The following C1GALT1 variants were observed in gnomAD, a reference collection of about 807,000 sequenced individuals.
C1GALT1 encodes glycoprotein-N-acetylgalactosamine 3-beta-galactosyltransferase 1.
Under a neutral mutation model 31.0 loss-of-function variants are expected in C1GALT1, and 11 were observed. The ratio of observed to expected loss-of-function variants is 0.36; its 90% confidence interval spans 0.22 to 0.59. The LOEUF is 0.59. Among genes scored for constraint, C1GALT1 ranks in the 20% least tolerant of loss-of-function variants. C1GALT1 has a pLI of 0.79. For synonymous variants in C1GALT1, 175 were observed against 143.6 expected (o/e 1.22, Z -1.56); for missense variants, 424 against 425.2 (o/e 1.00, Z 0.03).
intron 1 of C1GALT1, among the ~76,000 whole-genome samples, chr7:7,218,888 C>T (rs886628605): frequency 1.3e-5 from 2 of 149,682 alleles, no homozygotes; most frequent in East Asian, 2.0e-4. Flanking sequence ...GGCTGGAGTG[C>T]GGTGGTGCAA....
chr7:7,225,218 T>C (rs1376103672), intron 1 of C1GALT1, among the ~76,000 whole-genome samples: 1 of 152,240 alleles, frequency 6.6e-6, no homozygotes, highest in Non-Finnish European at 1.5e-5. Context: ...CTCTCTTTTT[T>C]AATGTAAACA....
intron 1 of C1GALT1, among the ~76,000 whole-genome samples, chr7:7,202,103 G>C (rs1381593859): frequency 6.6e-6 from 1 of 152,144 alleles, no homozygotes; most frequent in Non-Finnish European, 1.5e-5. Context: ...TCCTTCTCTC[G>C]TGAATTGGCC....
chr7:7,181,999 G>A (rs1211358048), upstream of C1GALT1, among the ~76,000 whole-genome samples: 1 of 152,148 alleles, frequency 6.6e-6, no homozygotes. Context: ...AACCAAAGAC[G>A]AAATGTGCCT....
chr7:7,167,757 C>T (rs1057305824), intron 2 of C1GALT1, among the ~76,000 whole-genome samples: 5 of 152,090 alleles, frequency 3.3e-5, no homozygotes, highest in Admixed American at 6.6e-5. Flanking sequence ...CTTCTCACAG[C>T]GCCCAGTCCC....
intron 2 of C1GALT1, among the ~76,000 whole-genome samples, chr7:7,157,650 CTTAG>C (rs898659405): frequency 2.0e-5 from 3 of 152,140 alleles, no homozygotes; most frequent in Non-Finnish European, 2.9e-5. Context: ...TTCTGTTCAA[CTTAG>C]TTAGGTGTCT....
rs140820072 is a variant in C1GALT1, at chr7:7,192,955, T to C, written c.-18+10135T>C. On this transcript the variant is annotated intron_variant, in intron 1 of 3. Coordinates refer to ENST00000436587, the MANE Select transcript of C1GALT1 (RefSeq NM_020156.5). The stretch of plus-strand genomic sequence containing the variant: ...TTTGTTGAACACTTGTATATCTTCT[T>C]TTGGGAATTGTCTATTCATGTCCTT... Among the ~76,000 whole-genome samples the C allele has an allele frequency of 3.8e-3, 579 of 152,294 alleles. 5 individuals are homozygous for C. The highest frequency in any genetic ancestry group is 0.013 in the African/African-American group (553 of 41,566).
intron 1 of C1GALT1, among the ~76,000 whole-genome samples, chr7:7,216,262 A>G (rs75548689): frequency 0.035 from 5,370 of 152,308 alleles, 196 homozygotes; most frequent in African/African-American, 0.099. Context: ...TGTATGACCC[A>G]GAGTGGAGGA....
intron 1 of C1GALT1, among the ~76,000 whole-genome samples, chr7:7,195,534 G>C (rs1265824881): frequency 6.6e-6 from 1 of 152,136 alleles, no homozygotes; most frequent in African/African-American, 2.4e-5. Flanking sequence ...TAGTGTGAGA[G>C]AGTACTTGCT....
At position 7,166,525 on chromosome 7, in the gene C1GALT1, A is replaced by G. The variant is rs1780394497; in HGVS notation, c.-18+9099A>G. Among the ~76,000 whole-genome samples, 3 of 152,070 alleles carry G rather than the reference A, an allele frequency of 2.0e-5. No individual in the cohort carries two copies. In the South Asian group the frequency reaches 6.2e-4, roughly 31 times the overall value. On this transcript the variant is annotated intron_variant, in intron 2 of 3. Coordinates refer to the C1GALT1 transcript ENST00000429911. ...GCAGGGTGGGAAGTGGCAGGAGGAA[A>G]CTTTTGGAGGTGATAGATACATTCA...
upstream of C1GALT1, among the ~76,000 whole-genome samples, chr7:7,182,090 C>T (rs147184446): frequency 3.6e-3 from 550 of 152,268 alleles, 3 homozygotes; most frequent in Non-Finnish European, 4.8e-3. Context: ...CGTATGCATA[C>T]TTCATCTTAT....
intron 1 of C1GALT1, among the ~76,000 whole-genome samples, chr7:7,227,649 G>T (rs961728575): frequency 6.6e-6 from 1 of 151,216 alleles, no homozygotes; most frequent in Admixed American, 6.6e-5. Flanking sequence ...GAACCCGGGA[G>T]GCGGAGCTTG....
intron 1 of C1GALT1, among the ~76,000 whole-genome samples, chr7:7,187,560 G>A (rs1391939662): frequency 2.0e-5 from 3 of 152,156 alleles, no homozygotes; most frequent in Admixed American, 6.5e-5. Context: ...TCACAACTAG[G>A]GGGAATACTA....
chr7:7,224,337 G>C (rs1782654269), intron 1 of C1GALT1, among the ~76,000 whole-genome samples: 1 of 151,560 alleles, frequency 6.6e-6, no homozygotes, highest in Non-Finnish European at 1.5e-5. Context: ...AATGAATTGG[G>C]AAGTGTTCTC....
At chr7:7,229,893 C>G (rs1782985003) in intron 1 of C1GALT1, among the ~76,000 whole-genome samples, 1 of 152,160 alleles carries the variant, frequency 6.6e-6, no homozygotes, top group African/African-American at 2.4e-5. Context: ...GGGCTATGTA[C>G]TCATCATCCA....
At chr7:7,195,678 T>C (rs1325538988) in intron 1 of C1GALT1, among the ~76,000 whole-genome samples, 2 of 152,206 alleles carry the variant, frequency 1.3e-5, no homozygotes, top group Non-Finnish European at 2.9e-5. Flanking sequence ...AAATGTCTGT[T>C]AAGTCAATTT....
intron 1 of C1GALT1, among the ~76,000 whole-genome samples, chr7:7,215,717 CAT>C (rs78526267): frequency 0.16 from 24,755 of 151,808 alleles, 2,322 homozygotes; most frequent in East Asian, 0.36. Context: ...CTGTAGGAGA[CAT>C]ATTGCTTATC....
rs57510429 is a variant in C1GALT1, at chr7:7,207,335, C to CTTTTTTTTTTTTTTTTTTTTTTTTTTTT, written c.-18+24518_-18+24545dup. ...TCTCTGTGTTTCTCTTACTCTGTTGCTTTTTTTTTTTTTTTTTTTTTTTTT... is the reference window on the plus strand; with the variant it reads ...TCTCTGTGTTTCTCTTACTCTGTTGCTTTTTTTTTTTTTTTTTTTTTTTTTTTTTTTTTTTTTTTTTTTTTTTTTTTTT... On this transcript the variant is annotated intron_variant, in intron 1 of 3. Transcript: ENST00000436587. Among the ~76,000 whole-genome samples the CTTTTTTTTTTTTTTTTTTTTTTTTTTTT allele has an allele frequency of 7.3e-4, 35 of 48,006 alleles. 12 individuals are homozygous for CTTTTTTTTTTTTTTTTTTTTTTTTTTTT. Among genetic ancestry groups the CTTTTTTTTTTTTTTTTTTTTTTTTTTTT allele is most frequent in the Non-Finnish European group, 9.6e-4 (25 of 26,070 alleles). 31.5% of individuals were successfully genotyped at this position (48,006 alleles called of 152,430 possible).
chr7:7,194,539 G>A (rs956745552), intron 1 of C1GALT1, among the ~76,000 whole-genome samples: 2 of 151,192 alleles, frequency 1.3e-5, no homozygotes, highest in African/African-American at 2.5e-5. Context: ...ATAATGGTGT[G>A]TTATCTTTCT....
chr7:7,234,314 C>T lies in C1GALT1; in HGVS notation c.-6C>T, dbSNP rs376079423. On this transcript the variant is annotated 5_prime_UTR_variant, in exon 2 of 4. Coordinates refer to ENST00000436587, the MANE Select transcript of C1GALT1 (RefSeq NM_020156.5). The stretch of plus-strand genomic sequence containing the variant: ...TTTTGTTCTTACAGAAATACACTTT[C>T]GGGAAATGGCCTCTAAATCCTGGCT... 18 of 1,611,566 alleles carry T rather than the reference C, an allele frequency of 1.1e-5. No individual in the cohort carries two copies. Among genetic ancestry groups the T allele is most frequent in the Admixed American group, 5.0e-5 (3 of 59,812 alleles).
Sources: allele counts gnomAD v4.1 joint callset (sites outside exome capture counted in the v4.1 genomes callset), GRCh38; gene constraint gnomAD v4.1.1; transcripts MANE v1.5; gene names NCBI Gene and HGNC (gene_info 2026-07-23, HGNC 2026-07-21).